The following ZFHX3 variants were observed in gnomAD, a reference collection of about 807,000 sequenced individuals.
The protein encoded by ZFHX3 is zinc finger homeobox protein 3.
Under a neutral mutation model 279.1 loss-of-function variants are expected in ZFHX3, and 42 were observed. That is an observed-to-expected ratio of 0.15 (90% CI 0.12 to 0.19). The LOEUF is 0.19. Among genes scored for constraint, ZFHX3 ranks in the 10% least tolerant of loss-of-function variants. The pLI is 1.00. For synonymous variants in ZFHX3, 2,293 were observed against 1,957.8 expected (o/e 1.17, Z -4.52); for missense variants, 4,981 against 4,754.0 (o/e 1.05, Z -1.40).
At chr16:73,271,406 G>A (rs916172102) in intron 4 of ZFHX3, among the ~76,000 whole-genome samples, 12 of 152,212 alleles carry the variant, frequency 7.9e-5, no homozygotes, top group East Asian at 5.8e-4. Flanking sequence ...GGCTTTTCCC[G>A]AGCCACTGGT....
intron 1 of ZFHX3, among the ~76,000 whole-genome samples, chr16:73,692,286 AAG>A (rs2053156785): frequency 2.0e-5 from 3 of 152,138 alleles, no homozygotes; most frequent in African/African-American, 7.2e-5. Flanking sequence ...ATGAAACTCT[AAG>A]AGTTTCATTT....
At position 72,787,423 on chromosome 16, in the gene ZFHX3, G is replaced by C. The variant is rs202087317; in HGVS notation, c.10853C>G (p.Pro3618Arg). The C allele has an allele frequency of 1.9e-6, 3 of 1,602,356 alleles. No individual in the cohort carries two copies. The highest frequency in any genetic ancestry group is 1.1e-5 in the South Asian group (1 of 90,304). ...ASPHASRKSW[P>R]QVVSRASAAK... ...TGCCGAAGCCCGGGAGACCACTTGC[G>C]GCCAAGACTTCCTGGAGGCGTGGGG... Residue 3618 changes from proline to arginine, a missense_variant, in exon 10 of 10, where the codon CCG becomes CGG. By Grantham distance (103) the Pro-to-Arg change is moderately radical. Around this residue, in one of 7 missense-constraint regions of ZFHX3, gnomAD observed 1,034 missense variants for 786.0 expected, o/e 1.32. Coordinates refer to ENST00000268489, the MANE Select transcript of ZFHX3 (RefSeq NM_006885.4).
intron 3 of ZFHX3, among the ~76,000 whole-genome samples, chr16:72,919,160 C>CT (rs544032775): frequency 1.4e-3 from 202 of 142,428 alleles, no homozygotes; most frequent in Middle Eastern, 3.7e-3. Flanking sequence ...AGATTCTGTA[C>CT]TTTTTTTTTT....
chr16:73,433,136 G>A (rs1002225763), intron 3 of ZFHX3, among the ~76,000 whole-genome samples: 13 of 152,204 alleles, frequency 8.5e-5, no homozygotes, highest in Admixed American at 7.9e-4. Flanking sequence ...AAGGTCCTCC[G>A]TGGAGTAGAG....
intron 1 of ZFHX3, among the ~76,000 whole-genome samples, chr16:72,994,469 T>G (rs976509919): frequency 1.3e-5 from 2 of 152,216 alleles, no homozygotes; most frequent in Non-Finnish European, 2.9e-5. Context: ...GAGTCCATAT[T>G]GAGTACCAAT....
At chr16:73,398,376 C>A (rs73592806) in intron 3 of ZFHX3, among the ~76,000 whole-genome samples, 2,476 of 152,286 alleles carry the variant, frequency 0.016, 75 homozygotes, top group African/African-American at 0.056. Flanking sequence ...CTAGGATAAA[C>A]AACACATCAG....
chr16:73,296,483 A>G (rs900739878), intron 4 of ZFHX3, among the ~76,000 whole-genome samples: 1 of 152,188 alleles, frequency 6.6e-6, no homozygotes, highest in African/African-American at 2.4e-5. Context: ...ATCTATGTGA[A>G]TACAATTAGA....
intron 1 of ZFHX3, among the ~76,000 whole-genome samples, chr16:73,687,846 C>CAAAAAAAAAAAA (rs535371406): frequency 1.6e-5 from 1 of 63,930 alleles, no homozygotes; most frequent in African/African-American, 5.5e-5. Context: ...GACTCTGTCT[C>CAAAAAAAAAAAA]AAAAAAAAAA....
upstream of ZFHX3, among the ~76,000 whole-genome samples, chr16:73,051,113 C>G (rs571754765): frequency 2.0e-5 from 3 of 152,222 alleles, no homozygotes; most frequent in African/African-American, 7.2e-5. Flanking sequence ...CCAGCGTAAC[C>G]TGGGCTCTCT....
At chr16:73,874,709 TA>T (rs1372765749) in intron 1 of ZFHX3, among the ~76,000 whole-genome samples, 1 of 152,212 alleles carries the variant, frequency 6.6e-6, no homozygotes, top group Non-Finnish European at 1.5e-5. Flanking sequence ...CACCCACGTT[TA>T]AAAAATATCT....
intron 5 of ZFHX3, among the ~76,000 whole-genome samples, chr16:73,149,690 G>C (rs8062079): frequency 0.11 from 16,613 of 152,212 alleles, 931 homozygotes; most frequent in East Asian, 0.13. Flanking sequence ...TTTTCAACTA[G>C]CAGTTTGGTT....
chr16:73,883,434 A>T (rs1024140302), intron 1 of ZFHX3, among the ~76,000 whole-genome samples: 5 of 150,280 alleles, frequency 3.3e-5, no homozygotes, highest in African/African-American at 1.2e-4. Context: ...TGTGTATATG[A>T]ATATGTATTT....
At chr16:73,801,197 C>T (rs1348975298) in intron 1 of ZFHX3, among the ~76,000 whole-genome samples, 1 of 152,084 alleles carries the variant, frequency 6.6e-6, no homozygotes, top group African/African-American at 2.4e-5. Flanking sequence ...CATCGGCTGC[C>T]TTTTTTATCC....
chr16:73,764,337 CT>C (rs1257192777), intron 1 of ZFHX3, among the ~76,000 whole-genome samples: 1 of 152,008 alleles, frequency 6.6e-6, no homozygotes, highest in Non-Finnish European at 1.5e-5. Context: ...TATGAGAAAT[CT>C]TTTTTATATA....
At chr16:73,658,647 AC>A (rs1352421854) in intron 2 of ZFHX3, among the ~76,000 whole-genome samples, 1 of 152,144 alleles carries the variant, frequency 6.6e-6, no homozygotes, top group Non-Finnish European at 1.5e-5. Context: ...TATAGTCAGA[AC>A]CCAACTGCGT....
At chr16:73,287,981 C>G (rs1317060287) in intron 4 of ZFHX3, among the ~76,000 whole-genome samples, 1 of 152,114 alleles carries the variant, frequency 6.6e-6, no homozygotes, top group Non-Finnish European at 1.5e-5. Context: ...TTCTTGCTGT[C>G]CCCTCCGTTC....
intron 2 of ZFHX3, among the ~76,000 whole-genome samples, chr16:73,607,792 G>A (rs992795869): frequency 6.6e-6 from 1 of 152,178 alleles, no homozygotes; most frequent in Non-Finnish European, 1.5e-5. Context: ...AAGGTCCTGT[G>A]CGGTGGCTCA....
At chr16:73,621,288 G>A (rs780837290) in intron 2 of ZFHX3, among the ~76,000 whole-genome samples, 3 of 152,042 alleles carry the variant, frequency 2.0e-5, no homozygotes, top group Non-Finnish European at 4.4e-5. Context: ...AAATTTCTAG[G>A]TCTCGATAAA....
intron 3 of ZFHX3, among the ~76,000 whole-genome samples, chr16:73,328,031 C>A (rs888738270): frequency 5.9e-5 from 9 of 152,102 alleles, no homozygotes; most frequent in African/African-American, 2.2e-4. Context: ...GAATACTGAA[C>A]CTATTTGACC....
Sources: allele counts gnomAD v4.1 joint callset (sites outside exome capture counted in the v4.1 genomes callset), GRCh38; gene constraint gnomAD v4.1.1; regional missense constraint gnomAD v4.1.1; transcripts MANE v1.5; gene names NCBI Gene and HGNC (gene_info 2026-07-23, HGNC 2026-07-21).